The following STIM1 variants were observed in gnomAD, a reference collection of about 807,000 sequenced individuals.
STIM1 encodes the protein stromal interaction molecule 1.
STIM1 carries 25 observed loss-of-function variants against 74.7 expected under a neutral mutation model. The ratio of observed to expected loss-of-function variants is 0.33; its 90% CI spans 0.24 to 0.47. The LOEUF (loss-of-function observed/expected upper bound fraction) is 0.47, where lower values mean the gene tolerates loss of function less well. STIM1 is among the 20% of genes least tolerant of loss of function. The pLI is 1.00. For missense variants in STIM1, 728 were observed against 920.8 expected (o/e 0.79, Z 2.71); for synonymous variants, 328 against 348.8 (o/e 0.94, Z 0.66).
At chr11:3,912,596 C>A (rs2092582929) in intron 1 of STIM1, among the ~76,000 whole-genome samples, 1 of 152,056 alleles carries the variant, frequency 6.6e-6, no homozygotes, top group African/African-American at 2.4e-5. Flanking sequence ...GAACTCCTGA[C>A]CTCAAGTGAT....
chr11:4,034,880 T>C (rs1042244063), intron 3 of STIM1, among the ~76,000 whole-genome samples: 5 of 152,184 alleles, frequency 3.3e-5, no homozygotes, highest in African/African-American at 1.2e-4. Context: ...TCACCTGTGT[T>C]GTCAAATTTA....
chr11:4,057,113 A>G (rs973366378), intron 4 of STIM1, among the ~76,000 whole-genome samples: 5 of 152,218 alleles, frequency 3.3e-5, no homozygotes, highest in African/African-American at 7.2e-5. Context: ...GAGGAACTCC[A>G]TGTTTAATGG....
intron 1 of STIM1, among the ~76,000 whole-genome samples, chr11:3,944,376 G>A (rs1026141707): frequency 1.2e-4 from 18 of 152,102 alleles, no homozygotes; most frequent in African/African-American, 3.6e-4. Context: ...TGATTAACTC[G>A]CTGATTGAAT....
At chr11:4,041,206 A>T (rs2132992592) in intron 3 of STIM1, among the ~76,000 whole-genome samples, 1 of 152,256 alleles carries the variant, frequency 6.6e-6, no homozygotes, top group South Asian at 2.1e-4. Flanking sequence ...ACATCACCTT[A>T]TATATCCCTG....
chr11:3,960,864 C>T (rs927324001), intron 1 of STIM1, among the ~76,000 whole-genome samples: 18 of 151,668 alleles, frequency 1.2e-4, no homozygotes, highest in African/African-American at 4.1e-4. Context: ...CTACCCTTCT[C>T]GAGATTTTTT....
intron 2 of STIM1, among the ~76,000 whole-genome samples, chr11:3,991,451 G>A (rs563887776): frequency 1.0e-3 from 158 of 151,872 alleles, no homozygotes; most frequent in Non-Finnish European, 1.9e-3. Context: ...TATTACAGGC[G>A]TGAATCACCG....
chr11:3,891,147 GTTA>G (rs557906521), intron 1 of STIM1, among the ~76,000 whole-genome samples: 124 of 152,188 alleles, frequency 8.1e-4, no homozygotes, highest in African/African-American at 2.7e-3. Context: ...CATAGATATT[GTTA>G]TTATTCTCAT....
chr11:4,008,946 T>G (rs1208996785), intron 2 of STIM1, among the ~76,000 whole-genome samples: 1 of 152,182 alleles, frequency 6.6e-6, no homozygotes, highest in African/African-American at 2.4e-5. Context: ...ATATGGAGAA[T>G]TGATTTTTTC....
intron 1 of STIM1, among the ~76,000 whole-genome samples, chr11:3,884,111 C>T (rs1350003464): frequency 1.3e-5 from 2 of 152,102 alleles, no homozygotes; most frequent in Non-Finnish European, 2.9e-5. Flanking sequence ...GGGAAGGCCT[C>T]TCATTGGATG....
intron 1 of STIM1, among the ~76,000 whole-genome samples, chr11:3,896,030 G>A (rs937513079): frequency 6.6e-6 from 1 of 150,924 alleles, no homozygotes; most frequent in East Asian, 1.9e-4. Context: ...TCAGCCTCCC[G>A]AGTACCTGGG....
At chr11:4,042,138 G>A (rs1466013462) in intron 3 of STIM1, among the ~76,000 whole-genome samples, 1 of 152,200 alleles carries the variant, frequency 6.6e-6, no homozygotes, top group East Asian at 1.9e-4. Flanking sequence ...TCCCTGCCAA[G>A]AGAAAAGATT....
intron 2 of STIM1, among the ~76,000 whole-genome samples, chr11:3,998,705 G>A (rs1172357881): frequency 6.6e-6 from 1 of 152,106 alleles, no homozygotes; most frequent in East Asian, 1.9e-4. Context: ...GAGAACTAAG[G>A]GAACAAATAG....
intron 1 of STIM1, among the ~76,000 whole-genome samples, chr11:3,914,598 C>T (rs553086425): frequency 2.4e-4 from 37 of 152,276 alleles, no homozygotes; most frequent in African/African-American, 7.0e-4. Context: ...TGCACCGCCA[C>T]GCCCGGCTGA....
chr11:4,034,642 A>G (rs11030697), intron 3 of STIM1, among the ~76,000 whole-genome samples: 5,758 of 152,276 alleles, frequency 0.038, 260 homozygotes, highest in East Asian at 0.19. Context: ...CATAGGATGA[A>G]TTATGAAGTA....
At chr11:4,013,534 C>T (rs1252000677) in intron 2 of STIM1, among the ~76,000 whole-genome samples, 1 of 150,850 alleles carries the variant, frequency 6.6e-6, no homozygotes, top group Non-Finnish European at 1.5e-5. Context: ...ATTTTATTCT[C>T]TTTGTGTAGA....
intron 3 of STIM1, among the ~76,000 whole-genome samples, chr11:4,039,372 A>G (rs12419208): frequency 0.43 from 65,858 of 151,714 alleles, 16,591 homozygotes; most frequent in Non-Finnish European, 0.57. Context: ...GTGGATCACA[A>G]GGTCAGGAGT....
chr11:3,985,870 TCA>T (rs2093553747), intron 2 of STIM1, among the ~76,000 whole-genome samples: 1 of 152,238 alleles, frequency 6.6e-6, no homozygotes, highest in South Asian at 2.1e-4. Flanking sequence ...TGCCTCACAT[TCA>T]GTGTACTTGT....
intron 2 of STIM1, among the ~76,000 whole-genome samples, chr11:3,985,634 G>A (rs1440350296): frequency 6.6e-6 from 1 of 152,234 alleles, no homozygotes; most frequent in Non-Finnish European, 1.5e-5. Flanking sequence ...GCCCCACAGA[G>A]TGGTAGGCAG....
intron 3 of STIM1, among the ~76,000 whole-genome samples, chr11:4,053,624 T>C (rs796680018): frequency 2.0e-5 from 3 of 152,082 alleles, no homozygotes; most frequent in African/African-American, 7.2e-5. Flanking sequence ...GAGATATACC[T>C]AATGTAAATG....
Sources: gnomAD v4.1 joint callset for allele counts (sites outside exome capture counted in the v4.1 genomes callset) on GRCh38, gnomAD v4.1.1 for gene constraint, MANE v1.5 for transcripts, NCBI Gene and HGNC (gene_info 2026-07-23, HGNC 2026-07-21) for gene names.